Variants in PLXNA4 observed in about 807,000 individuals in gnomAD.
The protein encoded by PLXNA4 is plexin-A4.
A neutral mutation model predicts 191.8 loss-of-function variants in PLXNA4; 44 were observed. The observed-to-expected ratio is 0.23, with a 90% CI of 0.18 to 0.29. PLXNA4 has a LOEUF of 0.29. Among genes scored for constraint, PLXNA4 ranks in the 10% least tolerant of loss-of-function variants. The pLI is 1.00. For missense variants in PLXNA4, 1,800 were observed against 2,488.8 expected, an observed-to-expected ratio of 0.72 and a Z score of 5.89; for synonymous variants, 1,082 against 1,009.5, an observed-to-expected ratio of 1.07 and a Z score of -1.36.
At chr7:132,637,252 G>T (rs1452929444) in intron 2 of PLXNA4, among the ~76,000 whole-genome samples, 1 of 152,122 alleles carries the variant, frequency 6.6e-6, no homozygotes, top group East Asian at 1.9e-4. Flanking sequence ...CCGTGGCTGT[G>T]AAAAGGATGA....
At chr7:132,364,120 T>C (rs1266990577) in intron 3 of PLXNA4, among the ~76,000 whole-genome samples, 1 of 152,206 alleles carries the variant, frequency 6.6e-6, no homozygotes, top group East Asian at 1.9e-4. Flanking sequence ...ATGGCTCAGA[T>C]GCCACCCTCC....
At chr7:132,319,545 C>G (rs780459361) in intron 3 of PLXNA4, among the ~76,000 whole-genome samples, 4 of 152,162 alleles carry the variant, frequency 2.6e-5, no homozygotes, top group Non-Finnish European at 5.9e-5. Context: ...TCTCAGGGTT[C>G]CTTGTAATTT....
intron 3 of PLXNA4, among the ~76,000 whole-genome samples, chr7:132,300,295 T>A (rs1336683663): frequency 6.6e-6 from 1 of 152,164 alleles, no homozygotes; most frequent in African/African-American, 2.4e-5. Flanking sequence ...GAGGGTTTCC[T>A]GTATGTCTCC....
chr7:132,536,463 G>A (rs975167077), intron 1 of PLXNA4, among the ~76,000 whole-genome samples: 7 of 152,294 alleles, frequency 4.6e-5, no homozygotes, highest in South Asian at 4.2e-4. Flanking sequence ...CAAATAGAAC[G>A]ACGACCTCAG....
intron 2 of PLXNA4, among the ~76,000 whole-genome samples, chr7:132,625,381 C>T (rs1803350735): frequency 6.6e-6 from 1 of 152,210 alleles, no homozygotes; most frequent in Non-Finnish European, 1.5e-5. Flanking sequence ...CCCTACCCTG[C>T]TAATACACAT....
At chr7:132,194,309 G>A in intron 13 of PLXNA4, 130 bp from the exon 14 acceptor site, 2 of 1,399,538 alleles carry the variant, frequency 1.4e-6, no homozygotes, top group Non-Finnish European at 1.9e-6. Flanking sequence ...GGAGGAAGGG[G>A]AAGATATCCT....
At chr7:132,429,481 A>G (rs973002542) in intron 3 of PLXNA4, among the ~76,000 whole-genome samples, 5 of 152,248 alleles carry the variant, frequency 3.3e-5, no homozygotes, top group Non-Finnish European at 7.3e-5. Flanking sequence ...GAAAGCAGGC[A>G]CAGACAATAT....
intron 1 of PLXNA4, among the ~76,000 whole-genome samples, chr7:132,563,989 CT>C (rs1801563124): frequency 1.1e-4 from 1 of 9,204 alleles, no homozygotes; most frequent in Non-Finnish European, 2.5e-4. Context: ...CCTTCTCCTC[CT>C]CCTCCTTCTC....
intron 30 of PLXNA4, among the ~76,000 whole-genome samples, chr7:132,134,646 T>C (rs867792270): frequency 1.3e-4 from 20 of 152,348 alleles, no homozygotes; most frequent in Middle Eastern, 3.4e-3. Context: ...TCAACTGTTT[T>C]GCTGAACTGG....
chr7:132,404,137 G>A (rs1262115371), intron 3 of PLXNA4, among the ~76,000 whole-genome samples: 1 of 152,112 alleles, frequency 6.6e-6, no homozygotes, highest in Non-Finnish European at 1.5e-5. Flanking sequence ...AGAGCCCATT[G>A]AGGAATTAAC....
intron 3 of PLXNA4, among the ~76,000 whole-genome samples, chr7:132,392,914 C>T (rs1018019646): frequency 6.6e-6 from 1 of 152,120 alleles, no homozygotes; most frequent in Non-Finnish European, 1.5e-5. Context: ...ATGCCGCCTC[C>T]CTGTGTCCAT....
intron 3 of PLXNA4, among the ~76,000 whole-genome samples, chr7:132,314,179 G>C (rs1363956575): frequency 6.6e-6 from 1 of 152,046 alleles, no homozygotes; most frequent in Non-Finnish European, 1.5e-5. Flanking sequence ...CTTTTCTTTG[G>C]ATTAAACAGT....
intron 4 of PLXNA4, among the ~76,000 whole-genome samples, chr7:132,253,225 C>A (rs989143806): frequency 7.9e-6 from 1 of 126,750 alleles, no homozygotes; most frequent in African/African-American, 3.0e-5. Context: ...TTGAATTTTT[C>A]TTTTTTCTTT....
intron 3 of PLXNA4, among the ~76,000 whole-genome samples, chr7:132,325,083 G>T (rs764618875): frequency 6.6e-6 from 1 of 152,000 alleles, no homozygotes; most frequent in African/African-American, 2.4e-5. Flanking sequence ...CTTCACCTCC[G>T]GGCTCCTCAT....
chr7:132,383,107 G>A (rs1804965902), intron 3 of PLXNA4, among the ~76,000 whole-genome samples: 1 of 152,142 alleles, frequency 6.6e-6, no homozygotes, highest in Non-Finnish European at 1.5e-5. Context: ...CAGCAGTGGG[G>A]AAAGGCTCAT....
intron 1 of PLXNA4, among the ~76,000 whole-genome samples, chr7:132,574,060 C>T (rs946631820): frequency 3.9e-5 from 6 of 152,198 alleles, no homozygotes; most frequent in African/African-American, 1.4e-4. Context: ...TTAATGCCTG[C>T]CTTGTCCTAG....
At chr7:132,425,604 A>ACAGGAAGGCAGACAGG (rs1224820467) in intron 3 of PLXNA4, among the ~76,000 whole-genome samples, 4 of 152,154 alleles carry the variant, frequency 2.6e-5, no homozygotes, top group Non-Finnish European at 5.9e-5. Context: ...GAAGAGGCAG[A>ACAGGAAGGCAGACAGG]CAGGAAGGCA....
intron 4 of PLXNA4, among the ~76,000 whole-genome samples, chr7:132,250,359 C>T (rs1376291): frequency 0.17 from 26,541 of 152,170 alleles, 2,537 homozygotes; most frequent in Middle Eastern, 0.23. Context: ...CTTGCATGCA[C>T]GCATAAATAA....
At chr7:132,139,524 C>T (rs144199489) in intron 30 of PLXNA4, among the ~76,000 whole-genome samples, 5 of 152,270 alleles carry the variant, frequency 3.3e-5, no homozygotes, top group East Asian at 1.9e-4. Flanking sequence ...TGTAGAGTTG[C>T]GCAGGTTATT....
Sources: gnomAD v4.1 joint callset for allele counts (sites outside exome capture counted in the v4.1 genomes callset) on GRCh38, gnomAD v4.1.1 for gene constraint, MANE v1.5 for transcripts, NCBI Gene and HGNC (gene_info 2026-07-23, HGNC 2026-07-21) for gene names.